The following IPPK variants were observed in gnomAD, a reference collection of about 807,000 sequenced individuals.
The protein encoded by IPPK is IPK1 homolog.
Under a neutral mutation model 64.6 loss-of-function variants are expected in IPPK, and 22 were observed. That is an observed-to-expected ratio of 0.34 (90% CI 0.24 to 0.49). IPPK has a LOEUF of 0.49. Among genes scored for constraint, IPPK ranks in the 20% least tolerant of loss-of-function variants. IPPK has a pLI of 0.99. For synonymous variants in IPPK, 262 were observed against 247.2 expected, an observed-to-expected ratio of 1.06 and a Z score of -0.56; for missense variants, 532 against 630.7, an observed-to-expected ratio of 0.84 and a Z score of 1.68.
chr9:92,622,111 A>G (rs1851650209), intron 11 of IPPK, among the ~76,000 whole-genome samples: 1 of 152,252 alleles, frequency 6.6e-6, no homozygotes, highest in Non-Finnish European at 1.5e-5. Context: ...AGGCATTGAT[A>G]AAGTTCAACA....
intron 8 of IPPK, among the ~76,000 whole-genome samples, chr9:92,640,363 T>G (rs560636570): frequency 7.9e-6 from 1 of 125,984 alleles, no homozygotes; most frequent in Non-Finnish European, 1.6e-5. Context: ...CCAGCCCAGA[T>G]AGTGCCAGAG....
At chr9:92,623,546 C>T (rs1167747228) in intron 11 of IPPK, among the ~76,000 whole-genome samples, 1 of 151,940 alleles carries the variant, frequency 6.6e-6, no homozygotes, top group Non-Finnish European at 1.5e-5. Context: ...CAAAGAATGC[C>T]TTCAAATCAA....
intron 9 of IPPK, among the ~76,000 whole-genome samples, chr9:92,636,698 G>A (rs781014665): frequency 6.6e-6 from 1 of 152,024 alleles, no homozygotes; most frequent in Non-Finnish European, 1.5e-5. Flanking sequence ...ACAGATTTAT[G>A]CTAGTTAAGT....
At chr9:92,649,381 G>A (rs964689539) in intron 5 of IPPK, 72 bp downstream of exon 5, 180 of 1,573,136 alleles carry the variant, frequency 1.1e-4, no homozygotes, top group Non-Finnish European at 1.4e-4. Flanking sequence ...CCCAAGGCAC[G>A]TGACTCTTGG....
At chr9:92,622,887 G>A (rs191928626) in intron 11 of IPPK, among the ~76,000 whole-genome samples, 1 of 152,248 alleles carries the variant, frequency 6.6e-6, no homozygotes, top group East Asian at 1.9e-4. Flanking sequence ...TGACTCTGTA[G>A]TGTTCACAAT....
intron 11 of IPPK, among the ~76,000 whole-genome samples, chr9:92,623,628 G>GA (rs956457090): frequency 1.3e-5 from 2 of 152,056 alleles, no homozygotes; most frequent in African/African-American, 2.4e-5. Context: ...ATCACAAAAG[G>GA]AAAAATCCAG....
At chr9:92,644,585 C>G (rs751186403) in intron 6 of IPPK, among the ~76,000 whole-genome samples, 2 of 152,192 alleles carry the variant, frequency 1.3e-5, no homozygotes, top group African/African-American at 2.4e-5. Flanking sequence ...AGGCCTTTTC[C>G]CCATGGGCAT....
intron 11 of IPPK, 105 bp from the exon 12 acceptor site, chr9:92,619,670 G>T: frequency 9.7e-7 from 1 of 1,035,660 alleles, no homozygotes; most frequent in Non-Finnish European, 1.5e-6. Flanking sequence ...TCCTGCCTCA[G>T]AACCTGAGGG....
chr9:92,649,897 G>A (rs756220892), intron 4 of IPPK, among the ~76,000 whole-genome samples: 5 of 151,976 alleles, frequency 3.3e-5, no homozygotes, highest in East Asian at 1.9e-4. Context: ...ATGGTGGCAC[G>A]TGCCTACAGT....
At chr9:92,648,482 C>A (rs541277961) in intron 5 of IPPK, among the ~76,000 whole-genome samples, 1 of 152,356 alleles carries the variant, frequency 6.6e-6, no homozygotes, top group South Asian at 2.1e-4. Flanking sequence ...GGACCCAGGA[C>A]TCCCAGCTCC....
chr9:92,652,524 A>G (rs1415296619), intron 4 of IPPK, 49 bp downstream of exon 4: 3 of 1,001,506 alleles, frequency 3.0e-6, no homozygotes, highest in Non-Finnish European at 4.5e-6. Flanking sequence ...CACTTTTCAA[A>G]TGGAATATTT....
At chr9:92,645,426 T>C (rs1852132554) in intron 6 of IPPK, among the ~76,000 whole-genome samples, 1 of 151,594 alleles carries the variant, frequency 6.6e-6, no homozygotes, top group Non-Finnish European at 1.5e-5. Flanking sequence ...AATTCTTTAG[T>C]TGAAAAGTAC....
chr9:92,669,914 G>A lies in IPPK; in HGVS notation c.75C>T (p.His25=). Residue 25 remains histidine, a synonymous_variant, in exon 1 of 13, where the codon CAC becomes CAT. Coordinates refer to ENST00000287996, the MANE Select transcript of IPPK (RefSeq NM_022755.6). ...GEGNKSLVVA[H]AQRCVVLRFL... ...CCGCACGTCCACCGCTCACCTGCGCGTGGGCCACCACCAGGCTCTTATTGC... is the reference window on the plus strand; with the variant it reads ...CCGCACGTCCACCGCTCACCTGCGCATGGGCCACCACCAGGCTCTTATTGC... 1 of 1,611,122 alleles carries A rather than the reference G, an allele frequency of 6.2e-7. No homozygotes were observed. Among genetic ancestry groups the A allele is most frequent in the Non-Finnish European group, 8.5e-7 (1 of 1,178,372 alleles).
chr9:92,659,893 G>A (rs905573629), intron 1 of IPPK, among the ~76,000 whole-genome samples: 7 of 152,020 alleles, frequency 4.6e-5, no homozygotes, highest in African/African-American at 1.4e-4. Context: ...CTCCTGGCTC[G>A]CTGTGCTGCA....
rs1461528515 is a variant in IPPK at position 92,638,208 on chromosome 9, G to A, written c.709C>T (p.Leu237=). The A allele has an allele frequency of 1.9e-6, 3 of 1,614,142 alleles. No homozygotes were observed. Among genetic ancestry groups the A allele is most frequent in the Non-Finnish European group, 2.5e-6 (3 of 1,180,048 alleles). The change falls in exon 9 of 13, where the codon CTG becomes TTG. Residue 237 remains leucine, a synonymous_variant. Coordinates refer to ENST00000287996, the MANE Select transcript of IPPK (RefSeq NM_022755.6). ...VADWSELAHH[L]KPFFFPSNGL... ...TTGGAAGGGAAGAAGAACGGCTTCA[G>A]GTGGTGTGCAAGCTCGCTCCAGTCA...
intron 11 of IPPK, among the ~76,000 whole-genome samples, chr9:92,631,244 G>A (rs1382975539): frequency 1.4e-5 from 2 of 146,200 alleles, no homozygotes; most frequent in African/African-American, 2.6e-5. Flanking sequence ...CACCCAGGCT[G>A]GAGTGCAGTG....
intron 1 of IPPK, among the ~76,000 whole-genome samples, chr9:92,668,217 G>A (rs1272540982): frequency 5.3e-5 from 8 of 151,282 alleles, no homozygotes; most frequent in East Asian, 2.0e-4. Flanking sequence ...GCAGTGAGCC[G>A]AGATCGCGCC....
chr9:92,648,019 G>T, intron 6 of IPPK, 40 bp downstream of exon 6: 1 of 1,416,762 alleles, frequency 7.1e-7, no homozygotes. Context: ...GATCCCCAGC[G>T]TGCAGCTAGA....
intron 11 of IPPK, among the ~76,000 whole-genome samples, chr9:92,627,240 A>G (rs928030458): frequency 6.6e-6 from 1 of 152,178 alleles, no homozygotes; most frequent in Non-Finnish European, 1.5e-5. Flanking sequence ...TCCACAAAGA[A>G]AAGCCCACTC....
Sources: allele counts gnomAD v4.1 joint callset (sites outside exome capture counted in the v4.1 genomes callset), GRCh38; gene constraint gnomAD v4.1.1; transcripts MANE v1.5; gene names NCBI Gene and HGNC (gene_info 2026-07-23, HGNC 2026-07-21).